The following RCAN2 variants were observed in gnomAD, a reference collection of about 807,000 sequenced individuals.
RCAN2 encodes the protein regulator of calcineurin 2.
RCAN2 carries 9 observed loss-of-function variants against 23.6 expected under a neutral mutation model. The ratio of observed to expected loss-of-function variants is 0.38; its 90% CI spans 0.23 to 0.67. RCAN2 has a LOEUF of 0.67. Among genes scored for constraint, RCAN2 ranks in the 30% least tolerant of loss-of-function variants. The probability of loss-of-function intolerance (pLI) is 0.51; values close to 1 mark genes in which losing one functional copy is unlikely to be tolerated. For synonymous variants in RCAN2, 109 were observed against 115.7 expected (o/e 0.94, Z 0.37); for missense variants, 273 against 302.3 (o/e 0.90, Z 0.72).
At chr6:46,279,883 C>T (rs921736678) in intron 2 of RCAN2, among the ~76,000 whole-genome samples, 1 of 152,044 alleles carries the variant, frequency 6.6e-6, no homozygotes, top group African/African-American at 2.4e-5. Context: ...ATAGTAACTC[C>T]CCAAAAAAGG....
intron 2 of RCAN2, among the ~76,000 whole-genome samples, chr6:46,416,211 A>G (rs1379644737): frequency 1.3e-5 from 2 of 151,870 alleles, no homozygotes; most frequent in Admixed American, 1.3e-4. Flanking sequence ...ATTAAGTAAG[A>G]TTTTGTAAAA....
At chr6:46,394,777 G>T (rs1459485783) in intron 2 of RCAN2, among the ~76,000 whole-genome samples, 1 of 152,068 alleles carries the variant, frequency 6.6e-6, no homozygotes, top group African/African-American at 2.4e-5. Context: ...TGCTGTATGG[G>T]AATCAAGGCA....
At chr6:46,224,431 C>A (rs896756720) in intron 4 of RCAN2, among the ~76,000 whole-genome samples, 3 of 152,184 alleles carry the variant, frequency 2.0e-5, no homozygotes, top group African/African-American at 7.2e-5. Context: ...GAAGACCCTG[C>A]GTAATCTCTC....
At chr6:46,289,760 C>A (rs2049071530) in intron 2 of RCAN2, among the ~76,000 whole-genome samples, 1 of 152,302 alleles carries the variant, frequency 6.6e-6, no homozygotes, top group South Asian at 2.1e-4. Flanking sequence ...ATGGATGACA[C>A]CCTGCATCAA....
intron 2 of RCAN2, among the ~76,000 whole-genome samples, chr6:46,389,699 C>T (rs1730782405): frequency 6.6e-6 from 1 of 152,064 alleles, no homozygotes; most frequent in Non-Finnish European, 1.5e-5. Context: ...GTCGTAGAGG[C>T]CTTATAGCCC....
chr6:46,430,213 T>C (rs1049888754), intron 2 of RCAN2, among the ~76,000 whole-genome samples: 3 of 152,198 alleles, frequency 2.0e-5, no homozygotes, highest in Admixed American at 2.0e-4. Flanking sequence ...GAGAGATGCC[T>C]GAAGCTTGGA....
intron 2 of RCAN2, among the ~76,000 whole-genome samples, chr6:46,328,516 A>G (rs995815948): frequency 6.6e-6 from 1 of 152,226 alleles, no homozygotes; most frequent in Non-Finnish European, 1.5e-5. Context: ...GGTTTTTAAT[A>G]GTCATTCGTC....
At chr6:46,413,533 C>T (rs1766610315) in intron 2 of RCAN2, among the ~76,000 whole-genome samples, 1 of 152,236 alleles carries the variant, frequency 6.6e-6, no homozygotes, top group South Asian at 2.1e-4. Context: ...AGTATAAATG[C>T]AATTGCATGT....
chr6:46,231,537 G>C (rs1294267655), intron 4 of RCAN2, among the ~76,000 whole-genome samples: 1 of 151,788 alleles, frequency 6.6e-6, no homozygotes, highest in East Asian at 1.9e-4. Context: ...AGCCTCCCTA[G>C]TAGCTGGGAT....
intron 2 of RCAN2, among the ~76,000 whole-genome samples, chr6:46,283,309 G>A (rs1762264749): frequency 1.3e-5 from 2 of 152,114 alleles, no homozygotes; most frequent in Non-Finnish European, 2.9e-5. Context: ...TGGGCATGGT[G>A]GTACACAGCT....
At chr6:46,462,452 T>A (rs1768245489) in intron 1 of RCAN2, among the ~76,000 whole-genome samples, 1 of 152,204 alleles carries the variant, frequency 6.6e-6, no homozygotes, top group African/African-American at 2.4e-5. Flanking sequence ...TGAAGATAAT[T>A]TTCATCCAAG....
At chr6:46,281,465 C>G (rs906625824) in intron 2 of RCAN2, among the ~76,000 whole-genome samples, 3 of 152,122 alleles carry the variant, frequency 2.0e-5, no homozygotes, top group Non-Finnish European at 4.4e-5. Flanking sequence ...AAAGTGTATT[C>G]AAACAATAAG....
chr6:46,255,095 C>T (rs1266772052), intron 2 of RCAN2, among the ~76,000 whole-genome samples: 1 of 152,142 alleles, frequency 6.6e-6, no homozygotes, highest in Non-Finnish European at 1.5e-5. Flanking sequence ...GTTACAACAG[C>T]CCCAGGAAAC....
chr6:46,261,949 G>C (rs1582041449), intron 2 of RCAN2, among the ~76,000 whole-genome samples: 1 of 152,190 alleles, frequency 6.6e-6, no homozygotes, highest in African/African-American at 2.4e-5. Context: ...GTGAGCAAAG[G>C]ATAAAGATGC....
chr6:46,286,840 TA>T (rs1762390694), intron 2 of RCAN2, among the ~76,000 whole-genome samples: 1 of 151,852 alleles, frequency 6.6e-6, no homozygotes, highest in African/African-American at 2.4e-5. Context: ...CCATCTCTAC[TA>T]AAAATACAAA....
upstream of RCAN2, among the ~76,000 whole-genome samples, chr6:46,491,701 C>T (rs1479695726): frequency 6.6e-6 from 1 of 151,088 alleles, no homozygotes; most frequent in Non-Finnish European, 1.5e-5. Flanking sequence ...GCGCAGGAGC[C>T]TCCGGGCACC....
intron 2 of RCAN2, among the ~76,000 whole-genome samples, chr6:46,305,385 C>T (rs1315787219): frequency 6.6e-6 from 1 of 152,068 alleles, no homozygotes. Context: ...CTGCTCCATT[C>T]CCTGTCATCA....
intron 2 of RCAN2, among the ~76,000 whole-genome samples, chr6:46,288,498 T>C (rs1357302718): frequency 2.0e-5 from 3 of 152,216 alleles, no homozygotes; most frequent in East Asian, 3.8e-4. Context: ...AGGATTCTAA[T>C]AGAGGGGAGA....
intron 2 of RCAN2, among the ~76,000 whole-genome samples, chr6:46,389,710 G>A (rs766729323): frequency 8.5e-4 from 130 of 152,160 alleles, no homozygotes; most frequent in Admixed American, 1.7e-3. Context: ...CTTATAGCCC[G>A]CTTGAGGCTG....
Sources: gnomAD v4.1 joint callset for allele counts (sites outside exome capture counted in the v4.1 genomes callset) on GRCh38, gnomAD v4.1.1 for gene constraint, MANE v1.5 for transcripts, NCBI Gene and HGNC (gene_info 2026-07-23, HGNC 2026-07-21) for gene names.